RAD51AP2: variants seen among roughly 807,000 people sequenced by gnomAD.
The protein encoded by RAD51AP2 is RAD51-associated protein 2.
Under a neutral mutation model 85.5 loss-of-function variants are expected in RAD51AP2, and 67 were observed. That is an observed-to-expected ratio of 0.78 (90% CI 0.64 to 0.96). The LOEUF (loss-of-function observed/expected upper bound fraction) is 0.96. Ranked by LOEUF, RAD51AP2 falls within the 40% of genes least tolerant of loss-of-function variation. The pLI is 0.00. For synonymous variants in RAD51AP2, 474 were observed against 446.5 expected (o/e 1.06, Z -0.78); for missense variants, 1,307 against 1,332.4 (o/e 0.98, Z 0.30).
the RAD51AP2 span, among the ~76,000 whole-genome samples, chr2:17,534,836 T>C: frequency 5.3e-5 from 8 of 152,338 alleles, no homozygotes; most frequent in South Asian, 1.7e-3. Context: ...ATTTGCATGA[T>C]AATAATTTAA....
Position 17,515,284 on chromosome 2 carries a change from G to T in RAD51AP2, c.3132C>A (p.His1044Gln), listed in dbSNP as rs1308147997. 2 of 1,613,492 alleles carry T rather than the reference G, an allele frequency of 1.2e-6. No individual in the cohort carries two copies. The highest frequency in any genetic ancestry group is 1.3e-5 in the African/African-American group (1 of 74,854). ...CAGTTTTCCATTTAAATAAACTTTGGTGACTTTTGCCCATATTAGGACCTG... is the reference window on the plus strand; with the variant it reads ...CAGTTTTCCATTTAAATAAACTTTGTTGACTTTTGCCCATATTAGGACCTG... The part of the protein sequence containing the change: ...TIAGPNMGKS[H>Q]QSLFKWKTVP... Residue 1044 changes from histidine to glutamine, a missense_variant, in exon 1 of 3, where the codon CAC (histidine) becomes CAA (glutamine). Coordinates refer to ENST00000399080, the MANE Select transcript of RAD51AP2 (RefSeq NM_001099218.3).
Position 17,518,383 on chromosome 2 carries a change from G to A in RAD51AP2, c.33C>T (p.Ala11=), listed in dbSNP as rs753967971. 1.4e-4 allele frequency: 222 copies of A among 1,612,996 alleles called. No homozygotes were observed. Among genetic ancestry groups the A allele is most frequent in the Non-Finnish European group, 1.7e-4 (206 of 1,179,778 alleles). The change falls in exon 1 of 3, where the codon GCC becomes GCT. Residue 11 remains alanine, a synonymous_variant. Coordinates refer to ENST00000399080, the MANE Select transcript of RAD51AP2 (RefSeq NM_001099218.3). MSLPQPTPRM[A]ELRKPTSSLT... The stretch of plus-strand genomic sequence containing the variant: ...AAGAGGAGGTAGGCTTTCTGAGCTC[G>A]GCCATCCGCGGCGTGGGCTGAGGGA...
the RAD51AP2 span, among the ~76,000 whole-genome samples, chr2:17,528,006 G>C: frequency 6.6e-6 from 1 of 152,142 alleles, no homozygotes; most frequent in Non-Finnish European, 1.5e-5. Flanking sequence ...TGGGAAAAAT[G>C]ATATAATTTA....
chr2:17,523,354 C>T (rs1484299295), upstream of RAD51AP2, among the ~76,000 whole-genome samples: 1 of 151,854 alleles, frequency 6.6e-6, no homozygotes, highest in Non-Finnish European at 1.5e-5. Flanking sequence ...GAAGTATTTA[C>T]ATCACTGTAA....
chr2:17,519,313 C>A (rs1040690444), upstream of RAD51AP2, among the ~76,000 whole-genome samples: 1 of 147,588 alleles, frequency 6.8e-6, no homozygotes, highest in African/African-American at 2.5e-5. Context: ...CCAGTCAATT[C>A]TGGTTTTTGT....
At chr2:17,514,527 C>T (rs565273823) in intron 1 of RAD51AP2, among the ~76,000 whole-genome samples, 13 of 106,424 alleles carry the variant, frequency 1.2e-4, no homozygotes, top group East Asian at 9.8e-4. Flanking sequence ...TTTGGGAGGC[C>T]GAGGGCGGCG....
At chr2:17,518,665 AC>A (rs1275248237), upstream of RAD51AP2, among the ~76,000 whole-genome samples, 1 of 147,636 alleles carries the variant, frequency 6.8e-6, no homozygotes, top group Non-Finnish European at 1.5e-5. Context: ...AGGTCGGAGC[AC>A]CCTGGGCCGT....
chr2:17,512,626 T>C (rs1662524540), intron 2 of RAD51AP2, among the ~76,000 whole-genome samples: 1 of 152,232 alleles, frequency 6.6e-6, no homozygotes, highest in East Asian at 1.9e-4. Flanking sequence ...ATAATCACAA[T>C]GACAGCATGA....
chr2:17,512,174 C>T (rs572122261), intron 2 of RAD51AP2, among the ~76,000 whole-genome samples: 5 of 152,164 alleles, frequency 3.3e-5, no homozygotes, highest in South Asian at 4.2e-4. Context: ...TCAACGGAAA[C>T]GTTAAGAGAA....
rs200065038 is a variant in RAD51AP2 at position 17,518,335 on chromosome 2, A to T, written c.81T>A (p.Asp27Glu). 3.3e-4 allele frequency: 533 copies of T among 1,614,012 alleles called. No individual in the cohort carries two copies. The highest frequency in any genetic ancestry group is 5.0e-4 in the Middle Eastern group (3 of 6,054). Residue 27 changes from aspartate to glutamate, a missense_variant, in exon 1 of 3, where the codon GAT (aspartate) becomes GAA (glutamate). This residue lies in a region of RAD51AP2 where 635 missense variants were observed against 643.6 expected (regional missense o/e 0.99). Transcript: ENST00000399080. ...GCCGCTTGCTACTAGGTGGTTGGGA[A>T]TCCGGGTCCTCAGGAGGCGTTAAAG... ...TSSLTPPEDP[D>E]SQPPSSKRLC...
chr2:17,528,037 T>TAC, the RAD51AP2 span, among the ~76,000 whole-genome samples: 1 of 152,374 alleles, frequency 6.6e-6, no homozygotes, highest in South Asian at 2.1e-4. Flanking sequence ...TACTTATATA[T>TAC]ACTATCAGAT....
At chr2:17,533,214 C>T in the RAD51AP2 span, among the ~76,000 whole-genome samples, 581 of 152,334 alleles carry the variant, frequency 3.8e-3, 2 homozygotes, top group Middle Eastern at 0.014. Context: ...CACCCAAGTT[C>T]CATCCCTGCA....
upstream of RAD51AP2, among the ~76,000 whole-genome samples, chr2:17,522,952 A>G (rs1460439559): frequency 6.6e-6 from 1 of 152,008 alleles, no homozygotes; most frequent in Admixed American, 6.6e-5. Context: ...TATGCTGAAC[A>G]TAATTTAATT....
At chr2:17,528,948 A>G in the RAD51AP2 span, among the ~76,000 whole-genome samples, 1 of 152,184 alleles carries the variant, frequency 6.6e-6, no homozygotes, top group Non-Finnish European at 1.5e-5. Context: ...TGGCTTTCAA[A>G]TGATTATACT....
Position 17,510,821 on chromosome 2 carries a change from A to C in RAD51AP2, c.3463T>G (p.Leu1155Val), listed in dbSNP as rs1265967990. 3.5e-5 allele frequency: 55 copies of C among 1,573,870 alleles called. No individual in the cohort carries two copies. Among genetic ancestry groups the C allele is most frequent in the Non-Finnish European group, 4.7e-5 (55 of 1,160,374 alleles). Residue 1155 changes from leucine to valine, a missense_variant, in exon 3 of 3, where the codon TTA (leucine) becomes GTA (valine). Physicochemically the swap from Leu to Val is conservative, Grantham distance 32. Around this residue, in one of 3 missense-constraint regions of RAD51AP2, gnomAD observed 668 missense variants for 671.0 expected, o/e 1.00. Transcript: ENST00000399080. ...PYLKQMCYGN[L>V]KENF is the part of the protein sequence containing the mutation. The stretch of plus-strand genomic sequence containing the variant: ...TATGAAAGTCAAAAATTTTCTTTTA[A>C]GTTTCCGTAACACATTTGTTTCAGA...
At chr2:17,526,713 A>T in the RAD51AP2 span, among the ~76,000 whole-genome samples, 1 of 152,136 alleles carries the variant, frequency 6.6e-6, no homozygotes, top group East Asian at 1.9e-4. Flanking sequence ...GACAAGAAAC[A>T]GAAATGTAGC....
the RAD51AP2 span, among the ~76,000 whole-genome samples, chr2:17,530,947 A>C: frequency 6.6e-6 from 1 of 152,330 alleles, no homozygotes; most frequent in East Asian, 1.9e-4. Flanking sequence ...CAAATTGTAC[A>C]ATGATGTATG....
Position 17,515,683 on chromosome 2 carries a change from T to C in RAD51AP2, c.2733A>G (p.Ile911Met). 1 of 1,610,520 alleles carries C rather than the reference T, an allele frequency of 6.2e-7. No homozygotes were observed. Among genetic ancestry groups the C allele is most frequent in the Non-Finnish European group, 8.5e-7 (1 of 1,178,722 alleles). Reference protein sequence around the residue: ...EYESILPEREIANSKDFHRKN... With the variant: ...EYESILPEREMANSKDFHRKN... ...TTCTGTGAAAATCCTTTGAATTAGC[T>C]ATCTCCCTTTCTGGCAAAATACTCT... The change falls in exon 1 of 3, where the codon ATA becomes ATG. Residue 911 changes from isoleucine to methionine, a missense_variant. By Grantham distance (10) the Ile-to-Met change is conservative (BLOSUM62 1). This residue lies in a region of RAD51AP2 where 668 missense variants were observed against 671.0 expected (regional missense o/e 1.00). Transcript: ENST00000399080.
the RAD51AP2 span, among the ~76,000 whole-genome samples, chr2:17,527,983 C>G: frequency 6.6e-6 from 1 of 152,278 alleles, no homozygotes; most frequent in East Asian, 1.9e-4. Context: ...ATTGTTCTAA[C>G]TATATATCAT....
Sources: allele counts gnomAD v4.1 joint callset (sites outside exome capture counted in the v4.1 genomes callset), GRCh38; gene constraint gnomAD v4.1.1; regional missense constraint gnomAD v4.1.1; transcripts MANE v1.5; gene names NCBI Gene and HGNC (gene_info 2026-07-23, HGNC 2026-07-21).